METTL15: variants seen among roughly 807,000 people sequenced by gnomAD.
METTL15 encodes the protein methyltransferase 15, mitochondrial 12S rRNA N4-cytidine.
A neutral mutation model predicts 38.3 loss-of-function variants in METTL15; 34 were observed. The ratio of observed to expected loss-of-function variants is 0.89; its 90% CI spans 0.68 to 1.18. The LOEUF (loss-of-function observed/expected upper bound fraction) is 1.18. Among genes scored for constraint, METTL15 ranks in the 50% most tolerant of loss-of-function variants. METTL15 has a pLI of 0.00. For missense variants in METTL15, 438 were observed against 498.4 expected (o/e 0.88, Z 1.15); for synonymous variants, 162 against 170.9 (o/e 0.95, Z 0.41).
rs1016841931 is a variant in METTL15 at position 28,132,224 on chromosome 11, C to T, written c.270+18620C>T. Among the ~76,000 whole-genome samples, 6 of 151,822 alleles carry T rather than the reference C, an allele frequency of 4.0e-5. No individual in the cohort carries two copies. In the South Asian group the frequency reaches 1.0e-3, roughly 26 times the overall value. On this transcript the variant is annotated intron_variant, in intron 3 of 6. Transcript: ENST00000407364. ...TGTAAAAACGAACCTCTTTTTTTGC[C>T]CTGTAAAGGTCATAGCAACAGACAT...
chr11:28,129,322 A>G (rs1393521981), intron 3 of METTL15, among the ~76,000 whole-genome samples: 1 of 152,242 alleles, frequency 6.6e-6, no homozygotes, highest in Admixed American at 6.5e-5. Context: ...TGCAGAAGAA[A>G]AACACAGTCA....
At chr11:28,260,382 A>G (rs1383985606) in intron 4 of METTL15, among the ~76,000 whole-genome samples, 1 of 152,014 alleles carries the variant, frequency 6.6e-6, no homozygotes, top group African/African-American at 2.4e-5. Flanking sequence ...TCCTCCATTT[A>G]CCATATTTTA....
intron 3 of METTL15, among the ~76,000 whole-genome samples, chr11:28,135,496 A>G (rs1313648995): frequency 1.3e-5 from 2 of 152,092 alleles, no homozygotes; most frequent in African/African-American, 2.4e-5. Context: ...GTAACCCTTT[A>G]TGGGGACTGT....
At chr11:28,371,663 T>A (rs1850244478) in intron 5 of METTL15, among the ~76,000 whole-genome samples, 1 of 152,098 alleles carries the variant, frequency 6.6e-6, no homozygotes, top group South Asian at 2.1e-4. Flanking sequence ...TCTTCCTCAA[T>A]TTACTTCATG....
chr11:28,234,286 G>A (rs1853833325), intron 4 of METTL15, among the ~76,000 whole-genome samples: 1 of 151,856 alleles, frequency 6.6e-6, no homozygotes, highest in African/African-American at 2.4e-5. Flanking sequence ...TGTCTTTATA[G>A]CAGCATGATT....
intron 6 of METTL15, among the ~76,000 whole-genome samples, chr11:28,513,954 G>A (rs1318227314): frequency 6.6e-6 from 1 of 152,214 alleles, no homozygotes; most frequent in Non-Finnish European, 1.5e-5. Context: ...TTTTGTTTAT[G>A]GCCAGTTTTG....
intron 5 of METTL15, among the ~76,000 whole-genome samples, chr11:28,369,458 C>T (rs1425625468): frequency 6.6e-6 from 1 of 151,850 alleles, no homozygotes; most frequent in Non-Finnish European, 1.5e-5. Flanking sequence ...TCAAAGGACC[C>T]AACTAGGATA....
chr11:28,260,412 C>T (rs1034431498), intron 4 of METTL15, among the ~76,000 whole-genome samples: 4 of 152,168 alleles, frequency 2.6e-5, no homozygotes, highest in African/African-American at 9.7e-5. Flanking sequence ...TACTAGTTAT[C>T]ATTACCTGGA....
chr11:28,524,079 C>G (rs1851789227), intron 6 of METTL15, among the ~76,000 whole-genome samples: 1 of 152,164 alleles, frequency 6.6e-6, no homozygotes, highest in Non-Finnish European at 1.5e-5. Context: ...TGGAAAAACT[C>G]AGAATAATCC....
chr11:28,233,845 G>C (rs534152678), intron 4 of METTL15, among the ~76,000 whole-genome samples: 161 of 151,406 alleles, frequency 1.1e-3, no homozygotes, highest in African/African-American at 3.2e-3. Context: ...GGGTACATGT[G>C]CACAATGTGC....
At chr11:28,144,004 C>T (rs1849792765) in intron 3 of METTL15, among the ~76,000 whole-genome samples, 1 of 152,130 alleles carries the variant, frequency 6.6e-6, no homozygotes, top group Non-Finnish European at 1.5e-5. Context: ...CACTGATTGC[C>T]TATTATGGTC....
intron 6 of METTL15, among the ~76,000 whole-genome samples, chr11:28,485,520 C>T (rs957391964): frequency 6.6e-6 from 1 of 151,952 alleles, no homozygotes; most frequent in African/African-American, 2.4e-5. Context: ...AAGTGAGGGG[C>T]AGAGAGAGAA....
At chr11:28,111,405 G>A (rs1851713514) in intron 2 of METTL15, among the ~76,000 whole-genome samples, 1 of 152,034 alleles carries the variant, frequency 6.6e-6, no homozygotes, top group South Asian at 2.1e-4. Context: ...CTTTTTAGGC[G>A]TATACATTGT....
intron 3 of METTL15, among the ~76,000 whole-genome samples, chr11:28,341,841 A>G (rs1352794070): frequency 1.3e-5 from 2 of 152,156 alleles, no homozygotes; most frequent in African/African-American, 4.8e-5. Context: ...GCAATCTTCC[A>G]TGTCATTCCA....
At chr11:28,183,618 G>A (rs764323123) in intron 3 of METTL15, among the ~76,000 whole-genome samples, 2 of 151,940 alleles carry the variant, frequency 1.3e-5, no homozygotes, top group African/African-American at 4.8e-5. Flanking sequence ...CGACTTGATC[G>A]TGGTGGATAA....
intron 6 of METTL15, among the ~76,000 whole-genome samples, chr11:28,310,683 T>C (rs1857244492): frequency 6.6e-6 from 1 of 152,184 alleles, no homozygotes; most frequent in Non-Finnish European, 1.5e-5. Context: ...AGGCCTATTT[T>C]CTAGTCTGAG....
chr11:28,448,635 C>T (rs1360186891), intron 6 of METTL15, among the ~76,000 whole-genome samples: 1 of 152,082 alleles, frequency 6.6e-6, no homozygotes, highest in African/African-American at 2.4e-5. Context: ...TTTTCACATG[C>T]TTTCTCTCTA....
At chr11:28,132,165 T>C (rs918569730) in intron 3 of METTL15, among the ~76,000 whole-genome samples, 2 of 152,208 alleles carry the variant, frequency 1.3e-5, no homozygotes, top group East Asian at 1.9e-4. Context: ...TTAATTGTTA[T>C]GCTTCTTGGG....
At chr11:28,259,718 C>G (rs1192573687) in intron 4 of METTL15, among the ~76,000 whole-genome samples, 1 of 152,198 alleles carries the variant, frequency 6.6e-6, no homozygotes, top group Admixed American at 6.5e-5. Context: ...CCATACCACG[C>G]CTCTACTGCA....
Sources: gnomAD v4.1 joint callset for allele counts (sites outside exome capture counted in the v4.1 genomes callset) on GRCh38, gnomAD v4.1.1 for gene constraint, MANE v1.5 for transcripts, NCBI Gene and HGNC (gene_info 2026-07-23, HGNC 2026-07-21) for gene names.